DPYD: variants seen among roughly 807,000 people sequenced by gnomAD.
The protein encoded by DPYD is dihydropyrimidine dehydrogenase [NADP(+)].
In DPYD, 109 loss-of-function variants were observed where a neutral mutation model predicts 116.2. That is an observed-to-expected ratio of 0.94 (90% CI 0.80 to 1.10). The LOEUF is 1.10. Among genes scored for constraint, DPYD ranks in the 50% least tolerant of loss-of-function variants. The pLI, the probability that DPYD is intolerant of heterozygous loss-of-function variation, is 0.00. For missense variants in DPYD, 1,302 were observed against 1,254.5 expected (o/e 1.04, Z -0.57); for synonymous variants, 440 against 432.0 (o/e 1.02, Z -0.23).
At chr1:97,602,801 C>T (rs552281066) in intron 8 of DPYD, among the ~76,000 whole-genome samples, 1 of 151,622 alleles carries the variant, frequency 6.6e-6, no homozygotes, top group Non-Finnish European at 1.5e-5. Context: ...AAAAGAAGTA[C>T]CTTTTTCTTC....
chr1:97,546,354 T>C, intron 12 of DPYD: 2 of 1,423,500 alleles, frequency 1.4e-6, no homozygotes, highest in South Asian at 2.3e-5. Context: ...TTGTTGGGAA[T>C]GAAGCTGCAG....
intron 4 of DPYD, among the ~76,000 whole-genome samples, chr1:97,724,953 A>AAGAGAGAGAG (rs71590231): frequency 0.052 from 6,129 of 118,722 alleles, 226 homozygotes; most frequent in Middle Eastern, 0.079. Flanking sequence ...GAGGGAAGGA[A>AAGAGAGAGAG]AGAGAGAGAG....
intron 13 of DPYD, among the ~76,000 whole-genome samples, chr1:97,467,421 C>G (rs1677395322): frequency 1.3e-5 from 2 of 152,236 alleles, no homozygotes; most frequent in Admixed American, 6.5e-5. Context: ...TCATGATATC[C>G]TGCCCTTTTA....
chr1:97,383,219 G>A (rs1300436862), intron 14 of DPYD, among the ~76,000 whole-genome samples: 1 of 152,102 alleles, frequency 6.6e-6, no homozygotes, highest in Admixed American at 6.5e-5. Flanking sequence ...GCTCACGCTT[G>A]TAATCCCAAT....
chr1:97,476,849 T>C (rs927513412), intron 13 of DPYD, among the ~76,000 whole-genome samples: 1 of 152,198 alleles, frequency 6.6e-6, no homozygotes, highest in Non-Finnish European at 1.5e-5. Flanking sequence ...ACACAATTAT[T>C]TTTTGTTTCC....
At position 97,079,020 on chromosome 1, in the gene DPYD, C is replaced by A. The variant is rs761584058; in HGVS notation, c.3034G>T (p.Glu1012Ter). 8 of 1,613,604 alleles carry A rather than the reference C, an allele frequency of 5.0e-6. No homozygotes were observed. In the Admixed American group the frequency reaches 8.3e-5, roughly 17 times the overall value. ...IKMVSRTTPY[E>*]PKRGVPLSVN... Reference sequence around the variant, plus strand: ...GATAAGGGTACGCCTCTCTTTGGTTCATAAGGTGTTGTCCTGGAAACCATT... The same window carrying A: ...GATAAGGGTACGCCTCTCTTTGGTTAATAAGGTGTTGTCCTGGAAACCATT... The change falls in exon 23 of 23, where the codon GAA (glutamate) becomes TAA (stop). Residue 1012 changes from glutamate (E) to a stop codon, truncating the protein, a stop_gained. Transcript: ENST00000370192. LOFTEE classifies it high-confidence loss of function.
intron 18 of DPYD, among the ~76,000 whole-genome samples, chr1:97,252,144 T>C (rs751082654): frequency 4.6e-5 from 7 of 152,030 alleles, no homozygotes; most frequent in Non-Finnish European, 8.8e-5. Flanking sequence ...TAATGAAGTA[T>C]CCTTTCTCTA....
intron 20 of DPYD, among the ~76,000 whole-genome samples, chr1:97,147,868 C>T (rs1654741495): frequency 6.6e-6 from 1 of 152,120 alleles, no homozygotes; most frequent in Non-Finnish European, 1.5e-5. Context: ...AGGGTGAGTG[C>T]AATATTGGTT....
At chr1:97,554,815 C>T (rs1259741735) in intron 11 of DPYD, among the ~76,000 whole-genome samples, 1 of 152,066 alleles carries the variant, frequency 6.6e-6, no homozygotes, top group African/African-American at 2.4e-5. Context: ...CATTGTTTTC[C>T]TTCTGCCAGT....
At chr1:97,138,113 A>C (rs764408033) in intron 20 of DPYD, among the ~76,000 whole-genome samples, 19 of 152,246 alleles carry the variant, frequency 1.2e-4, no homozygotes, top group Middle Eastern at 3.4e-3. Context: ...AGGTAAGAGG[A>C]TAAGCACAGT....
intron 1 of DPYD, among the ~76,000 whole-genome samples, chr1:97,888,704 C>A (rs1283270900): frequency 4.0e-5 from 6 of 151,108 alleles, no homozygotes; most frequent in African/African-American, 1.5e-4. Flanking sequence ...ACCAGAGAGA[C>A]CAGAGAGAAG....
intron 16 of DPYD, among the ~76,000 whole-genome samples, chr1:97,371,847 GT>G (rs59150558): frequency 0.017 from 2,616 of 152,262 alleles, 74 homozygotes; most frequent in African/African-American, 0.059. Flanking sequence ...AAATGGAAAT[GT>G]TCCTAAATTT....
intron 4 of DPYD, among the ~76,000 whole-genome samples, chr1:97,737,023 A>G (rs1336821304): frequency 2.6e-5 from 4 of 151,970 alleles, no homozygotes; most frequent in Admixed American, 6.6e-5. Context: ...CTCCTCACCT[A>G]TTTTTGCCCA....
intron 8 of DPYD, among the ~76,000 whole-genome samples, chr1:97,650,463 T>C (rs1349817248): frequency 6.6e-6 from 1 of 152,302 alleles, no homozygotes; most frequent in African/African-American, 2.4e-5. Context: ...CTTGCTCCAA[T>C]TCAGTTTCTA....
At chr1:97,513,782 T>A (rs1431411161) in intron 13 of DPYD, among the ~76,000 whole-genome samples, 1 of 151,782 alleles carries the variant, frequency 6.6e-6, no homozygotes, top group East Asian at 1.9e-4. Context: ...AATAAGCACA[T>A]ACGATGTAAT....
rs1648185651 is a variant in DPYD at position 97,515,857 on chromosome 1, T to G, written c.1609A>C (p.Met537Leu). The G allele has an allele frequency of 2.5e-6, 4 of 1,612,976 alleles. No individual in the cohort carries two copies. Among genetic ancestry groups the G allele is most frequent in the Non-Finnish European group, 3.4e-6 (4 of 1,179,278 alleles). The stretch of plus-strand genomic sequence containing the variant: ...GGATTTATAAACTTCAATCCGGCCA[T>G]TTCTACACTAATGTCCACCAGATCA... The part of the protein sequence containing the change: ...PIDLVDISVE[M>L]AGLKFINPFG... Residue 537 changes from methionine to leucine, a missense_variant, in exon 13 of 23, where the codon ATG (methionine) becomes CTG (leucine). Coordinates refer to ENST00000370192, the MANE Select transcript of DPYD (RefSeq NM_000110.4).
chr1:97,347,063 T>C (rs1669893219), intron 16 of DPYD, among the ~76,000 whole-genome samples: 1 of 151,888 alleles, frequency 6.6e-6, no homozygotes, highest in East Asian at 1.9e-4. Context: ...AATAATGTCA[T>C]TTTTCCCAAT....
intron 6 of DPYD, among the ~76,000 whole-genome samples, chr1:97,694,377 C>A (rs1661185838): frequency 6.6e-6 from 1 of 152,108 alleles, no homozygotes; most frequent in Admixed American, 6.5e-5. Flanking sequence ...AACAACATGA[C>A]AAATGTAAAA....
At chr1:97,883,916 T>C in intron 1 of DPYD, 1 of 444,372 alleles carries the variant, frequency 2.3e-6, no homozygotes. Flanking sequence ...TGAGGAATCC[T>C]ATATTTGGTT....
Sources: gnomAD v4.1 joint callset for allele counts (sites outside exome capture counted in the v4.1 genomes callset) on GRCh38, gnomAD v4.1.1 for gene constraint, MANE v1.5 for transcripts, NCBI Gene and HGNC (gene_info 2026-07-23, HGNC 2026-07-21) for gene names.